AXIN1: variants seen among roughly 807,000 people sequenced by gnomAD.
The protein encoded by AXIN1 is axin 1.
In AXIN1, 30 loss-of-function variants were observed where a neutral mutation model predicts 76.4. That is an observed-to-expected ratio of 0.39 (90% CI 0.29 to 0.53). AXIN1 has a LOEUF of 0.53. AXIN1 is among the 20% of genes least tolerant of loss of function. AXIN1 has a pLI of 0.66. For missense variants in AXIN1, 1,140 were observed against 1,198.8 expected, an observed-to-expected ratio of 0.95 and a Z score of 0.72; for synonymous variants, 545 against 501.4, an observed-to-expected ratio of 1.09 and a Z score of -1.16.
At chr16:344,122 G>A (rs1224450041) in intron 2 of AXIN1, among the ~76,000 whole-genome samples, 1 of 151,960 alleles carries the variant, frequency 6.6e-6, no homozygotes, top group African/African-American at 2.4e-5. Context: ...ATACCACTTG[G>A]CTAAAGACAA....
At position 288,166 on chromosome 16, in the gene AXIN1, C is replaced by A. The variant is rs376835130; in HGVS notation, c.2545G>T (p.Val849Phe). ...EVREDEAVLP[V>F]FEEKIIGKVE... ...TTGCCGATGATCTTCTCCTCAAAGA[C>A]GGGCAGGACGGCCTCGTCCTCTCGA... Residue 849 changes from valine to phenylalanine, a missense_variant, in exon 11 of 11, where the codon GTC becomes TTC. Val to Phe is a conservative substitution (Grantham distance 50). Around this residue, in one of 3 missense-constraint regions of AXIN1, gnomAD observed 429 missense variants for 405.8 expected, o/e 1.06. Coordinates refer to ENST00000262320, the MANE Select transcript of AXIN1 (RefSeq NM_003502.4). The A allele has an allele frequency of 6.2e-7, 1 of 1,613,678 alleles. No homozygotes were observed. Among genetic ancestry groups the A allele is most frequent in the South Asian group, 1.1e-5 (1 of 91,084 alleles).
chr16:314,516 G>T, intron 3 of AXIN1, 27 bp downstream of exon 3: 1 of 1,612,740 alleles, frequency 6.2e-7, no homozygotes, highest in Non-Finnish European at 8.5e-7. Context: ...TGTCCGTGAG[G>T]GACTGGGTAT....
intron 2 of AXIN1, 79 bp from the exon 3 acceptor site, chr16:314,762 G>T (rs776840028): frequency 4.4e-6 from 7 of 1,581,188 alleles, no homozygotes; most frequent in Non-Finnish European, 5.1e-6. Flanking sequence ...CATGTTATCT[G>T]AATATCTCAA....
intron 2 of AXIN1, among the ~76,000 whole-genome samples, chr16:317,686 G>A (rs566696543): frequency 1.3e-5 from 2 of 152,364 alleles, no homozygotes; most frequent in Middle Eastern, 3.4e-3. Context: ...ACATAGAGCA[G>A]ATAAAATGAT....
chr16:350,027 C>T (rs971608689), intron 1 of AXIN1, among the ~76,000 whole-genome samples: 1 of 152,162 alleles, frequency 6.6e-6, no homozygotes, highest in Non-Finnish European at 1.5e-5. Flanking sequence ...GAGCTCAAAG[C>T]AATCCACCCG....
rs1299972814 is a variant in AXIN1, at chr16:346,882, T to A, written c.144A>T (p.Lys48Asn). The A allele has an allele frequency of 6.2e-7, 1 of 1,613,748 alleles. No individual in the cohort carries two copies. Among genetic ancestry groups the A allele is most frequent in the Non-Finnish European group, 8.5e-7 (1 of 1,179,616 alleles). The change falls in exon 2 of 11, where the codon AAA (lysine) becomes AAT (asparagine). Residue 48 changes from lysine to asparagine, a missense_variant. By Grantham distance (94) the Lys-to-Asn change is moderately conservative. Around this residue, in one of 3 missense-constraint regions of AXIN1, gnomAD observed 708 missense variants for 776.9 expected, o/e 0.91. Coordinates refer to ENST00000262320, the MANE Select transcript of AXIN1 (RefSeq NM_003502.4). Reference protein sequence around the residue: ...RPASYSFCSGKGVGIKGETST... With the variant: ...RPASYSFCSGNGVGIKGETST... ...AAGTCTCACCTTTAATGCCAACACCTTTCCCGGAGCAGAAACTGTAGCTGG... is the reference window on the plus strand; with the variant it reads ...AAGTCTCACCTTTAATGCCAACACCATTCCCGGAGCAGAAACTGTAGCTGG...
chr16:300,019 A>G (rs1394436149), intron 5 of AXIN1, among the ~76,000 whole-genome samples: 1 of 151,802 alleles, frequency 6.6e-6, no homozygotes, highest in Non-Finnish European at 1.5e-5. Flanking sequence ...GCTGTAGTGC[A>G]ATCTCCGCCT....
chr16:347,268 T>C (rs1211616393), intron 1 of AXIN1, among the ~76,000 whole-genome samples, 162 bp from the exon 2 acceptor site: 2 of 151,728 alleles, frequency 1.3e-5, no homozygotes, highest in South Asian at 2.1e-4. Flanking sequence ...GCCACAAGCA[T>C]AGTTCTACTT....
intron 5 of AXIN1, chr16:299,339 T>C: frequency 1.5e-6 from 1 of 670,740 alleles, no homozygotes. Flanking sequence ...GGGAACTAAG[T>C]TACCATGTAT....
At chr16:332,348 C>T (rs907844471) in intron 2 of AXIN1, among the ~76,000 whole-genome samples, 6 of 151,684 alleles carry the variant, frequency 4.0e-5, no homozygotes, top group East Asian at 1.9e-4. Flanking sequence ...GAGGCCAAGG[C>T]GGGCGGATCA....
At chr16:289,182 G>A (rs998397529) in intron 10 of AXIN1, among the ~76,000 whole-genome samples, 2 of 151,638 alleles carry the variant, frequency 1.3e-5, no homozygotes, top group South Asian at 4.2e-4. Flanking sequence ...TCTGCCTCCC[G>A]AGTTCAAGCA....
At chr16:340,565 C>G (rs2053896431) in intron 2 of AXIN1, among the ~76,000 whole-genome samples, 1 of 152,244 alleles carries the variant, frequency 6.6e-6, no homozygotes, top group African/African-American at 2.4e-5. Flanking sequence ...GCCTCCCGCC[C>G]AACACTCAGT....
intron 2 of AXIN1, among the ~76,000 whole-genome samples, chr16:324,119 C>T (rs1040773338): frequency 1.3e-4 from 19 of 151,368 alleles, no homozygotes; most frequent in Non-Finnish European, 5.9e-5. Flanking sequence ...CTGAAATACC[C>T]GGGACCGTCC....
At chr16:288,435 G>A (rs1478245590) in intron 10 of AXIN1, 187 bp from the exon 11 acceptor site, 1 of 850,480 alleles carries the variant, frequency 1.2e-6, no homozygotes, top group Non-Finnish European at 1.9e-6. Flanking sequence ...TGTGGGTGAA[G>A]TGGGCAGCCA....
At chr16:346,057 G>A (rs2141699099) in intron 2 of AXIN1, 91 bp downstream of exon 2, 1 of 1,341,986 alleles carries the variant, frequency 7.5e-7, no homozygotes, top group Non-Finnish European at 1.0e-6. Flanking sequence ...TCCGGTGTGG[G>A]TTAACGCCCG....
At chr16:348,438 C>T (rs531755219) in intron 1 of AXIN1, among the ~76,000 whole-genome samples, 8 of 152,334 alleles carry the variant, frequency 5.3e-5, no homozygotes, top group African/African-American at 1.9e-4. Flanking sequence ...TGGAATCTGT[C>T]CCCCACACCA....
chr16:350,427 C>A (rs1321793727), intron 1 of AXIN1, among the ~76,000 whole-genome samples: 1 of 152,198 alleles, frequency 6.6e-6, no homozygotes, highest in African/African-American at 2.4e-5. Context: ...ATAAAACGGG[C>A]GGGATGCCTA....
rs762803401 is a variant in AXIN1, at chr16:346,129, C to T, written c.878+19G>A. 7.5e-5 allele frequency: 121 copies of T among 1,610,348 alleles called. No individual in the cohort carries two copies. The highest frequency in any genetic ancestry group is 9.8e-5 in the Non-Finnish European group (116 of 1,177,940). Reference sequence around the variant, plus strand: ...CTCGGAGGTGAGTACAGAAAGTGGACGCCTGGCGTCGGACTCACCTGAACT... The same window carrying T: ...CTCGGAGGTGAGTACAGAAAGTGGATGCCTGGCGTCGGACTCACCTGAACT... On this transcript the variant is annotated intron_variant, in intron 2 of 10. Coordinates refer to ENST00000262320, the MANE Select transcript of AXIN1 (RefSeq NM_003502.4).
chr16:291,535 G>T, intron 8 of AXIN1: 1 of 587,968 alleles, frequency 1.7e-6, no homozygotes, highest in Non-Finnish European at 3.1e-6. Flanking sequence ...AACCCCCTGA[G>T]TTCCCTGGAC....
Sources: allele counts gnomAD v4.1 joint callset (sites outside exome capture counted in the v4.1 genomes callset), GRCh38; gene constraint gnomAD v4.1.1; regional missense constraint gnomAD v4.1.1; transcripts MANE v1.5; gene names NCBI Gene and HGNC (gene_info 2026-07-23, HGNC 2026-07-21).